Variants in LRP2 observed in about 807,000 individuals in gnomAD.
LRP2 encodes the protein low-density lipoprotein receptor-related protein 2.
A neutral mutation model predicts 531.0 loss-of-function variants in LRP2; 172 were observed. The ratio of observed to expected loss-of-function variants is 0.32; its 90% CI spans 0.29 to 0.37. The LOEUF (loss-of-function observed/expected upper bound fraction) is 0.37. Ranked by LOEUF, LRP2 falls within the 10% of genes least tolerant of loss-of-function variation. The pLI, the probability that LRP2 is intolerant of heterozygous loss-of-function variation, is 1.00. For missense variants in LRP2, 5,167 were observed against 5,868.3 expected (o/e 0.88, Z 3.90); for synonymous variants, 1,992 against 2,027.6 (o/e 0.98, Z 0.47).
At chr2:169,200,971 A>G (rs1688185215) in intron 44 of LRP2, among the ~76,000 whole-genome samples, 2 of 152,242 alleles carry the variant, frequency 1.3e-5, no homozygotes, top group Admixed American at 6.5e-5. Context: ...GCAACAGGAA[A>G]GGCACAGCTC....
Position 169,282,918 on chromosome 2 carries a change from C to A in LRP2, c.1126G>T (p.Gly376Trp). The A allele has an allele frequency of 6.2e-7, 1 of 1,614,114 alleles. No individual in the cohort carries two copies. The highest frequency in any genetic ancestry group is 1.1e-5 in the South Asian group (1 of 91,074). ...PGRHLCHCEE[G>W]YILERGQYCK... is the part of the protein sequence containing the mutation. ...TACTGTCCACGCTCCAAGATATACC[C>A]TTCTTCACAGTGGCACAGGTGACGG... Residue 376 changes from glycine (G) to tryptophan (W), a missense_variant, in exon 10 of 79, where the codon GGG becomes TGG. Around this residue, in one of 6 missense-constraint regions of LRP2, gnomAD observed 2,811 missense variants for 3,058.0 expected, o/e 0.92. Transcript: ENST00000649046.
At chr2:169,360,937 C>A (rs1156339816) in intron 1 of LRP2, among the ~76,000 whole-genome samples, 3 of 152,208 alleles carry the variant, frequency 2.0e-5, no homozygotes, top group African/African-American at 7.2e-5. Flanking sequence ...TGAATACATG[C>A]CACGGCCCAT....
intron 63 of LRP2, among the ~76,000 whole-genome samples, chr2:169,160,912 T>C (rs995142191): frequency 3.3e-5 from 5 of 152,222 alleles, no homozygotes; most frequent in Non-Finnish European, 7.3e-5. Flanking sequence ...CAACTCAATA[T>C]GGCTGGTTAT....
intron 34 of LRP2, among the ~76,000 whole-genome samples, chr2:169,217,678 G>A (rs959947754): frequency 6.6e-6 from 1 of 151,958 alleles, no homozygotes; most frequent in Non-Finnish European, 1.5e-5. Flanking sequence ...AAAAATCTAA[G>A]TTCCCTAATC....
chr2:169,155,687 A>T (rs368901951), intron 65 of LRP2, among the ~76,000 whole-genome samples: 1 of 107,606 alleles, frequency 9.3e-6, no homozygotes, highest in Non-Finnish European at 2.0e-5. Context: ...TCTCTGTTTT[A>T]TTAGGCCCGA....
chr2:169,132,853 C>T (rs935267544), intron 76 of LRP2, among the ~76,000 whole-genome samples, 172 bp from the exon 77 acceptor site: 2 of 152,120 alleles, frequency 1.3e-5, no homozygotes, highest in African/African-American at 2.4e-5. Flanking sequence ...ACATCACTCC[C>T]ACCGCCCCAA....
chr2:169,307,721 C>T (rs13403197), intron 3 of LRP2, among the ~76,000 whole-genome samples: 6 of 152,092 alleles, frequency 3.9e-5, no homozygotes, highest in Middle Eastern at 3.4e-3. Flanking sequence ...ACCAAGGACC[C>T]CCAACCCACC....
At chr2:169,326,406 C>T (rs1432684897) in intron 1 of LRP2, among the ~76,000 whole-genome samples, 4 of 151,832 alleles carry the variant, frequency 2.6e-5, no homozygotes, top group East Asian at 3.9e-4. Context: ...TTGGTGGAGA[C>T]GGGGTTTCAC....
intron 1 of LRP2, among the ~76,000 whole-genome samples, chr2:169,326,363 G>GC (rs1685059686): frequency 6.6e-6 from 1 of 151,786 alleles, no homozygotes; most frequent in African/African-American, 2.4e-5. Flanking sequence ...TTGCAGGCGC[G>GC]CGCCACCACG....
At chr2:169,255,660 G>A (rs1574184490) in intron 19 of LRP2, among the ~76,000 whole-genome samples, 1 of 152,164 alleles carries the variant, frequency 6.6e-6, no homozygotes, top group African/African-American at 2.4e-5. Context: ...TGATGAATAT[G>A]TGTAATCGTT....
At position 169,191,207 on chromosome 2, in the gene LRP2, G is replaced by A. The variant is rs544075731; in HGVS notation, c.9032+625C>T. Among the ~76,000 whole-genome samples, 3 of 152,312 alleles carry A rather than the reference G, an allele frequency of 2.0e-5. No homozygotes were observed. The East Asian group carries it at 5.8e-4, about 29-fold the overall frequency. On this transcript the variant is annotated intron_variant, in intron 48 of 78. Coordinates refer to ENST00000649046, the MANE Select transcript of LRP2 (RefSeq NM_004525.3). ...TTCTGCATGATATTGATCAATGTCT[G>A]CATCCTTAGTTGGAGACATTGTCTC... is the stretch of plus-strand genomic sequence containing the variant.
chr2:169,161,528 G>A (rs1370101155), intron 63 of LRP2, among the ~76,000 whole-genome samples: 2 of 152,106 alleles, frequency 1.3e-5, no homozygotes, highest in African/African-American at 4.8e-5. Flanking sequence ...CCAGGCTGGA[G>A]TACAGTGGCA....
chr2:169,241,894 A>G (rs1173045097), intron 24 of LRP2, among the ~76,000 whole-genome samples: 1 of 152,194 alleles, frequency 6.6e-6, no homozygotes, highest in Non-Finnish European at 1.5e-5. Context: ...TCCACTATTC[A>G]TCAAGCAATC....
chr2:169,131,464 A>G (rs1280627561), intron 77 of LRP2, among the ~76,000 whole-genome samples: 1 of 152,236 alleles, frequency 6.6e-6, no homozygotes, highest in Non-Finnish European at 1.5e-5. Context: ...TTTATAGACT[A>G]TGAAATTTGA....
At position 169,346,956 on chromosome 2, in the gene LRP2, C is replaced by A. The variant is rs376244329; in HGVS notation, c.79+15365G>T. Among the ~76,000 whole-genome samples the A allele has an allele frequency of 1.6e-4, 24 of 152,164 alleles. 1 individual carries two copies. Among genetic ancestry groups the A allele is most frequent in the African/African-American group, 5.6e-4 (23 of 41,434 alleles). On this transcript the variant is annotated intron_variant, in intron 1 of 78. Coordinates refer to ENST00000649046, the MANE Select transcript of LRP2 (RefSeq NM_004525.3). ...TATCTTTGAGGCCTTCCTAATAGAT[C>A]ACAGCTGAAATTCCCCATAAAGCCA...
rs1015425861 is a variant in LRP2 at position 169,128,436 on chromosome 2, C to T, written c.*227G>A. 1.1e-5 allele frequency: 5 copies of T among 466,110 alleles called. No individual in the cohort carries two copies. Among genetic ancestry groups the T allele is most frequent in the Non-Finnish European group, 1.9e-5 (5 of 258,806 alleles). The allele number at this position is 466,110 out of a possible 1,614,324, so 28.9% of individuals were successfully genotyped here. ...TACAATATATTTATAGTATTACCTT[C>T]AGACAACTTCAGTGCAAAGATATAC... On this transcript the variant is annotated 3_prime_UTR_variant, in exon 79 of 79. Coordinates refer to ENST00000649046, the MANE Select transcript of LRP2 (RefSeq NM_004525.3).
chr2:169,302,347 T>C (rs1252274009), intron 4 of LRP2, among the ~76,000 whole-genome samples: 2 of 152,056 alleles, frequency 1.3e-5, no homozygotes, highest in South Asian at 2.1e-4. Context: ...CTAATGAAAA[T>C]ACACAGATTT....
chr2:169,149,860 A>T (rs772422669), intron 68 of LRP2, among the ~76,000 whole-genome samples: 1 of 152,036 alleles, frequency 6.6e-6, no homozygotes, highest in Non-Finnish European at 1.5e-5. Flanking sequence ...AAAAAAAAGA[A>T]TTTCTATGAA....
intron 20 of LRP2, 52 bp downstream of exon 20, chr2:169,247,326 A>G: frequency 1.9e-6 from 3 of 1,600,156 alleles, no homozygotes; most frequent in Admixed American, 1.7e-5. Flanking sequence ...CCACTGTAAC[A>G]AATAAATAAA....
Sources: allele counts gnomAD v4.1 joint callset (sites outside exome capture counted in the v4.1 genomes callset), GRCh38; gene constraint gnomAD v4.1.1; regional missense constraint gnomAD v4.1.1; transcripts MANE v1.5; gene names NCBI Gene and HGNC (gene_info 2026-07-23, HGNC 2026-07-21).